The following ZBTB8A variants were observed in gnomAD, a reference collection of about 807,000 sequenced individuals.
The protein encoded by ZBTB8A is zinc finger and BTB domain-containing protein 8A.
A neutral mutation model predicts 37.8 loss-of-function variants in ZBTB8A; 19 were observed. That is an observed-to-expected ratio of 0.50 (90% confidence interval 0.35 to 0.74). The LOEUF (loss-of-function observed/expected upper bound fraction) is 0.74, where lower values mean the gene tolerates loss of function less well. ZBTB8A is among the 30% of genes least tolerant of loss of function. ZBTB8A has a pLI of 0.01. For synonymous variants in ZBTB8A, 181 were observed against 185.2 expected (o/e 0.98, Z 0.19); for missense variants, 394 against 537.8 (o/e 0.73, Z 2.65).
rs2148252238 is a variant in ZBTB8A, at chr1:32,595,112, G to A, written c.882G>A (p.Lys294=). 3.1e-6 allele frequency: 5 copies of A among 1,614,198 alleles called. No homozygotes were observed. The highest frequency in any genetic ancestry group is 2.7e-5 in the African/African-American group (2 of 75,056). ...CPYCTHVVKR[K]ADLKRHLRCH... ...ACTGCACACATGTGGTGAAGCGGAA[G>A]GCAGACCTAAAGCGCCACCTTCGTT... Residue 294 remains lysine (K), a synonymous_variant, in exon 4 of 5, where the codon AAG becomes AAA. Transcript: ENST00000373510.
intron 2 of ZBTB8A, among the ~76,000 whole-genome samples, chr1:32,554,036 T>C (rs556588909): frequency 2.0e-5 from 3 of 151,482 alleles, no homozygotes; most frequent in South Asian, 4.2e-4. Context: ...CCCATCTCTA[T>C]TAAAAATACA....
intron 2 of ZBTB8A, among the ~76,000 whole-genome samples, chr1:32,581,120 T>C (rs1276649989): frequency 8.7e-6 from 1 of 115,152 alleles, no homozygotes; most frequent in Non-Finnish European, 1.7e-5. Flanking sequence ...ATATATAATA[T>C]ATATAACTAT....
chr1:32,572,523 G>C (rs1272292618), intron 2 of ZBTB8A, among the ~76,000 whole-genome samples: 1 of 151,784 alleles, frequency 6.6e-6, no homozygotes, highest in Non-Finnish European at 1.5e-5. Flanking sequence ...AGCCTCCTGA[G>C]CAGCTAGGAA....
chr1:32,561,240 A>G (rs528108417), intron 2 of ZBTB8A, among the ~76,000 whole-genome samples: 8 of 152,128 alleles, frequency 5.3e-5, no homozygotes, highest in Non-Finnish European at 1.2e-4. Flanking sequence ...CTCAAACTAT[A>G]TCTTCTGCCT....
rs1017311486 is a variant in ZBTB8A at position 32,567,664 on chromosome 1, C to T, written c.-2+14124C>T. On this transcript the variant is annotated intron_variant, in intron 2 of 4. Transcript: ENST00000373510. ...AATATTATCCTGGTGTGATGGTGGG[C>T]GCCTGTAGTCCCAGCTACTCGGGAG... Among the ~76,000 whole-genome samples the T allele has an allele frequency of 3.1e-4, 47 of 150,150 alleles. 1 individual carries two copies. Among genetic ancestry groups the T allele is most frequent in the African/African-American group, 8.6e-4 (35 of 40,790 alleles).
At position 32,587,066 on chromosome 1, in the gene ZBTB8A, C is replaced by A. The variant is rs149473543; in HGVS notation, c.-1-5865C>A. ...ACCAGCCTGGCCAACATGGCAAAAT[C>A]CGTCTCTACTAAAAATACAAAAATT... On this transcript the variant is annotated intron_variant, in intron 2 of 4. Transcript: ENST00000373510. Among the ~76,000 whole-genome samples the A allele has an allele frequency of 6.2e-3, 945 of 151,960 alleles. 2 individuals carry two copies. Among genetic ancestry groups the A allele is most frequent in the Middle Eastern group, 0.027 (8 of 294 alleles).
At chr1:32,543,437 A>C (rs950927497) in intron 1 of ZBTB8A, among the ~76,000 whole-genome samples, 3 of 152,116 alleles carry the variant, frequency 2.0e-5, no homozygotes, top group African/African-American at 7.2e-5. Context: ...TGTACAATTC[A>C]GTTTTTTGAT....
intron 2 of ZBTB8A, among the ~76,000 whole-genome samples, chr1:32,562,522 C>T (rs1644251226): frequency 6.7e-6 from 1 of 150,274 alleles, no homozygotes; most frequent in African/African-American, 2.4e-5. Flanking sequence ...CCGCCTGCCT[C>T]GGCCTCCTAA....
chr1:32,567,116 A>G (rs528311911), intron 2 of ZBTB8A, among the ~76,000 whole-genome samples: 3 of 152,322 alleles, frequency 2.0e-5, no homozygotes, highest in African/African-American at 7.2e-5. Context: ...CTGTAAAGGA[A>G]GCATGACTGG....
intron 2 of ZBTB8A, among the ~76,000 whole-genome samples, chr1:32,558,438 A>AACACACAC (rs35047367): frequency 1.3e-3 from 183 of 145,762 alleles, no homozygotes; most frequent in African/African-American, 3.9e-3. Flanking sequence ...CTAAGTATTA[A>AACACACAC]ACACACACAC....
chr1:32,571,796 C>T (rs989538792), intron 2 of ZBTB8A, among the ~76,000 whole-genome samples: 4 of 151,946 alleles, frequency 2.6e-5, no homozygotes, highest in Admixed American at 1.3e-4. Context: ...AGGTTGGTCT[C>T]GAACTCCTGA....
chr1:32,581,278 A>G (rs1467400784), intron 2 of ZBTB8A, among the ~76,000 whole-genome samples: 1 of 108,126 alleles, frequency 9.2e-6, no homozygotes, highest in Non-Finnish European at 1.7e-5. Context: ...TAATAATACA[A>G]TATTAATATA....
rs112966736 is a variant in ZBTB8A at position 32,568,426 on chromosome 1, G to A, written c.-2+14886G>A. ...TTTTGAGATGGAGTCTCGCTCTGTCGCCCAGGCTAGAATGCAGTGGCGTGA... is the reference window on the plus strand; with the variant it reads ...TTTTGAGATGGAGTCTCGCTCTGTCACCCAGGCTAGAATGCAGTGGCGTGA... On this transcript the variant is annotated intron_variant, in intron 2 of 4. Coordinates refer to ENST00000373510, the MANE Select transcript of ZBTB8A (RefSeq NM_001040441.3). Among the ~76,000 whole-genome samples the A allele has an allele frequency of 6.2e-4, 93 of 150,402 alleles. 1 individual carries two copies. The highest frequency in any genetic ancestry group is 2.1e-3 in the African/African-American group (88 of 40,936).
At chr1:32,568,519 T>C (rs1238504437) in intron 2 of ZBTB8A, among the ~76,000 whole-genome samples, 1 of 152,018 alleles carries the variant, frequency 6.6e-6, no homozygotes. Flanking sequence ...CCTGAGTAGC[T>C]GGGACTGCAG....
intron 4 of ZBTB8A, among the ~76,000 whole-genome samples, chr1:32,599,682 A>C (rs1043579611): frequency 6.6e-6 from 1 of 152,052 alleles, no homozygotes; most frequent in Non-Finnish European, 1.5e-5. Context: ...GCACTATTGC[A>C]CTCCAGCCTG....
intron 1 of ZBTB8A, among the ~76,000 whole-genome samples, chr1:32,553,146 G>A (rs1644170915): frequency 1.3e-5 from 2 of 151,112 alleles, no homozygotes; most frequent in South Asian, 2.1e-4. Context: ...TGCAGCCTCC[G>A]CCTCCCGAGT....
At chr1:32,548,753 C>A (rs1644126627) in intron 1 of ZBTB8A, among the ~76,000 whole-genome samples, 2 of 152,202 alleles carry the variant, frequency 1.3e-5, no homozygotes, top group South Asian at 4.1e-4. Flanking sequence ...TAATAGCTGA[C>A]ATTTATCAAG....
intron 4 of ZBTB8A, among the ~76,000 whole-genome samples, chr1:32,598,761 CAT>C (rs1201482113): frequency 6.6e-6 from 1 of 152,152 alleles, no homozygotes; most frequent in Non-Finnish European, 1.5e-5. Flanking sequence ...GCATTTCACA[CAT>C]GTTAACTCAT....
At chr1:32,546,070 A>T (rs1355615357) in intron 1 of ZBTB8A, among the ~76,000 whole-genome samples, 1 of 152,212 alleles carries the variant, frequency 6.6e-6, no homozygotes, top group East Asian at 1.9e-4. Context: ...ATAGTCTGGT[A>T]TAGAGTAGTT....
Sources: allele counts gnomAD v4.1 joint callset (sites outside exome capture counted in the v4.1 genomes callset), GRCh38; gene constraint gnomAD v4.1.1; transcripts MANE v1.5; gene names NCBI Gene and HGNC (gene_info 2026-07-23, HGNC 2026-07-21).